Variants in SDCCAG8 observed in about 807,000 individuals in gnomAD.
SDCCAG8 encodes serologically defined colon cancer antigen 8.
SDCCAG8 carries 74 observed loss-of-function variants against 101.8 expected under a neutral mutation model. That is an observed-to-expected ratio of 0.73 (90% confidence interval 0.60 to 0.88). The LOEUF (loss-of-function observed/expected upper bound fraction) is 0.88, where lower values mean the gene tolerates loss of function less well. Ranked by LOEUF, SDCCAG8 falls within the 40% of genes least tolerant of loss-of-function variation. The pLI is 0.00. For synonymous variants in SDCCAG8, 281 were observed against 292.9 expected (o/e 0.96, Z 0.41); for missense variants, 787 against 822.6 (o/e 0.96, Z 0.53).
At chr1:243,341,299 C>A (rs1211900549) in intron 11 of SDCCAG8, 126 bp downstream of exon 11, 3 of 1,042,176 alleles carry the variant, frequency 2.9e-6, no homozygotes, top group Non-Finnish European at 4.2e-6. Flanking sequence ...TTTGTGATTT[C>A]AAGAATAATA....
intron 10 of SDCCAG8, among the ~76,000 whole-genome samples, chr1:243,331,470 A>T (rs754534082): frequency 5.9e-5 from 9 of 152,258 alleles, no homozygotes; most frequent in Admixed American, 1.3e-4. Flanking sequence ...TATACTGAGT[A>T]TGTGCTGTGT....
chr1:243,327,569 G>A (rs2074275681), intron 9 of SDCCAG8, among the ~76,000 whole-genome samples: 1 of 151,078 alleles, frequency 6.6e-6, no homozygotes, highest in South Asian at 2.1e-4. Flanking sequence ...TTTGATGATA[G>A]TTGATTGTTT....
chr1:243,407,047 T>C (rs1316899017), intron 13 of SDCCAG8, among the ~76,000 whole-genome samples: 1 of 152,134 alleles, frequency 6.6e-6, no homozygotes, highest in African/African-American at 2.4e-5. Context: ...GTTGTTTTTT[T>C]CCCCAAAACT....
At chr1:243,293,552 G>T in intron 6 of SDCCAG8, 1 of 466,186 alleles carries the variant, frequency 2.1e-6, no homozygotes, top group South Asian at 1.6e-5. Flanking sequence ...AACAATACTT[G>T]TCCTTTTGTG....
chr1:243,484,779 C>T (rs776339629), intron 16 of SDCCAG8, among the ~76,000 whole-genome samples: 10 of 152,320 alleles, frequency 6.6e-5, no homozygotes, highest in Non-Finnish European at 1.0e-4. Context: ...GGCGCGGTGG[C>T]TCACGCCTGT....
At chr1:243,386,750 C>G (rs1467738256) in intron 13 of SDCCAG8, among the ~76,000 whole-genome samples, 1 of 147,996 alleles carries the variant, frequency 6.8e-6, no homozygotes. Flanking sequence ...GAGACTCCAT[C>G]TCAAAAAAGA....
chr1:243,491,405 G>A (rs941344648), intron 17 of SDCCAG8, among the ~76,000 whole-genome samples: 3 of 152,152 alleles, frequency 2.0e-5, no homozygotes, highest in Admixed American at 1.3e-4. Context: ...TCTCTAAAGC[G>A]GCCTTTCAGA....
At chr1:243,492,281 G>A (rs187496778) in intron 17 of SDCCAG8, among the ~76,000 whole-genome samples, 1 of 147,910 alleles carries the variant, frequency 6.8e-6, no homozygotes, top group African/African-American at 2.5e-5. Context: ...TCAAGCTCTC[G>A]GCTCGTTTCT....
intron 17 of SDCCAG8, among the ~76,000 whole-genome samples, chr1:243,495,292 G>A (rs947158018): frequency 1.6e-4 from 25 of 152,292 alleles, no homozygotes; most frequent in African/African-American, 4.8e-4. Flanking sequence ...GCTGTCTTAC[G>A]GAACGTCCCA....
chr1:243,497,538 C>T (rs957792885), intron 17 of SDCCAG8, among the ~76,000 whole-genome samples: 64 of 152,018 alleles, frequency 4.2e-4, no homozygotes, highest in African/African-American at 1.5e-3. Flanking sequence ...TGCAGGCCCA[C>T]GGAATCAGGA....
intron 16 of SDCCAG8, among the ~76,000 whole-genome samples, chr1:243,447,558 G>A (rs2083025006): frequency 6.6e-6 from 1 of 151,994 alleles, no homozygotes; most frequent in Admixed American, 6.5e-5. Flanking sequence ...TTACTCCTTT[G>A]CTACACTGTG....
At chr1:243,294,482 G>GGGGAGAGAGAGAGAGAAAGAGC (rs1259035129) in intron 6 of SDCCAG8, among the ~76,000 whole-genome samples, 28 of 99,968 alleles carry the variant, frequency 2.8e-4, no homozygotes, top group Non-Finnish European at 4.9e-4. Context: ...GTGGGGGGGG[G>GGGGAGAGAGAGAGAGAAAGAGC]GAGAGAGAGA....
At chr1:243,359,944 A>T (rs2076600991) in intron 12 of SDCCAG8, among the ~76,000 whole-genome samples, 1 of 152,098 alleles carries the variant, frequency 6.6e-6, no homozygotes, top group East Asian at 1.9e-4. Flanking sequence ...ATGTTTGATC[A>T]GTCTTTTTTA....
At position 243,439,138 on chromosome 1, in the gene SDCCAG8, T is replaced by G. The variant is rs781226163; in HGVS notation, c.1985+12580T>G. Among the ~76,000 whole-genome samples the G allele has an allele frequency of 9.9e-5, 15 of 152,096 alleles. 1 individual carries two copies. The highest frequency in any genetic ancestry group is 8.3e-4 in the South Asian group (4 of 4,820). ...ATGTGTTACAATACTGGTGACTGCT[T>G]CTTCTTTTATTTTTATTTTATTTTT... On this transcript the variant is annotated intron_variant, in intron 16 of 17. Coordinates refer to ENST00000366541, the MANE Select transcript of SDCCAG8 (RefSeq NM_006642.5).
intron 3 of SDCCAG8, among the ~76,000 whole-genome samples, chr1:243,272,698 G>C (rs1189938730): frequency 6.6e-6 from 1 of 152,112 alleles, no homozygotes; most frequent in Non-Finnish European, 1.5e-5. Flanking sequence ...AAATACACAA[G>C]TCTATTTATA....
intron 16 of SDCCAG8, among the ~76,000 whole-genome samples, chr1:243,442,148 T>C (rs2082579811): frequency 6.6e-6 from 1 of 152,210 alleles, no homozygotes; most frequent in Non-Finnish European, 1.5e-5. Context: ...TAGATCATCA[T>C]ATTACCCCAA....
intron 16 of SDCCAG8, among the ~76,000 whole-genome samples, chr1:243,485,267 A>G (rs1664567439): frequency 6.6e-6 from 1 of 152,196 alleles, no homozygotes; most frequent in African/African-American, 2.4e-5. Flanking sequence ...TGATACTAGC[A>G]TGTACCTCCT....
At chr1:243,264,266 C>A (rs561783780) in intron 1 of SDCCAG8, among the ~76,000 whole-genome samples, 1 of 152,188 alleles carries the variant, frequency 6.6e-6, no homozygotes, top group South Asian at 2.1e-4. Context: ...GAAGACAGGC[C>A]CAGTGGTGAC....
At chr1:243,354,292 C>T (rs1308446715) in intron 12 of SDCCAG8, among the ~76,000 whole-genome samples, 1 of 152,176 alleles carries the variant, frequency 6.6e-6, no homozygotes, top group Non-Finnish European at 1.5e-5. Context: ...CATGGAGCCT[C>T]AAGTTTTATT....
Sources: allele counts gnomAD v4.1 joint callset (sites outside exome capture counted in the v4.1 genomes callset), GRCh38; gene constraint gnomAD v4.1.1; transcripts MANE v1.5; gene names NCBI Gene and HGNC (gene_info 2026-07-23, HGNC 2026-07-21).